The following ZC3H6 variants were observed in gnomAD, a reference collection of about 807,000 sequenced individuals.
ZC3H6 encodes the protein zinc finger CCCH domain-containing protein 6.
In ZC3H6, 40 loss-of-function variants were observed where a neutral mutation model predicts 107.7. The observed-to-expected ratio is 0.37, with a 90% CI of 0.29 to 0.48. The LOEUF is 0.48. Ranked by LOEUF, ZC3H6 falls within the 20% of genes least tolerant of loss-of-function variation. ZC3H6 has a pLI of 0.98. For synonymous variants in ZC3H6, 493 were observed against 487.9 expected (o/e 1.01, Z -0.14); for missense variants, 1,267 against 1,410.4 (o/e 0.90, Z 1.63).
rs1267594568 is a variant in ZC3H6 at position 112,325,175 on chromosome 2, T to C, written c.2064T>C (p.His688=). The C allele has an allele frequency of 4.3e-6, 7 of 1,613,820 alleles. No homozygotes were observed. Among genetic ancestry groups the C allele is most frequent in the Non-Finnish European group, 5.9e-6 (7 of 1,179,866 alleles). Residue 688 remains histidine, a synonymous_variant, in exon 11 of 12, where the codon CAT becomes CAC. Transcript: ENST00000409871. ...EDEEQTSTQP[H]RAPSKEEDDT... ...AAGAACAAACCAGCACCCAACCTCA[T>C]AGGGCACCAAGCAAGGAAGAAGGTG... is the stretch of plus-strand genomic sequence containing the variant.
At chr2:112,306,835 A>G (rs1676485697) in intron 3 of ZC3H6, among the ~76,000 whole-genome samples, 1 of 152,148 alleles carries the variant, frequency 6.6e-6, no homozygotes, top group African/African-American at 2.4e-5. Context: ...TTTTGTTTCC[A>G]TAGACAACAG....
At chr2:112,322,052 G>A (rs1676810489) in intron 8 of ZC3H6, among the ~76,000 whole-genome samples, 187 bp downstream of exon 8, 1 of 151,772 alleles carries the variant, frequency 6.6e-6, no homozygotes, top group African/African-American at 2.4e-5. Context: ...TGAGGAGTTA[G>A]CTATCTCCAA....
chr2:112,316,972 T>C (rs1320110677), intron 6 of ZC3H6, among the ~76,000 whole-genome samples: 1 of 152,208 alleles, frequency 6.6e-6, no homozygotes, highest in Non-Finnish European at 1.5e-5. Context: ...TGAGTGCTGG[T>C]TGCCAATTCA....
rs749409274 is a variant in ZC3H6, at chr2:112,324,954, A to G, written c.1853-10A>G. On this transcript the variant is annotated splice_polypyrimidine_tract_variant and intron_variant, in intron 10 of 11. Coordinates refer to ENST00000409871, the MANE Select transcript of ZC3H6 (RefSeq NM_198581.3). Reference sequence around the variant, plus strand: ...CTCAATGACTGTCTCTCCCCATGTTATACATGTAGATGGGATGTGGCATGG... The same window carrying G: ...CTCAATGACTGTCTCTCCCCATGTTGTACATGTAGATGGGATGTGGCATGG... 3.2e-6 allele frequency: 5 copies of G among 1,585,174 alleles called. No individual in the cohort carries two copies. Among genetic ancestry groups the G allele is most frequent in the South Asian group, 1.1e-5 (1 of 87,192 alleles).
chr2:112,332,276 A>G lies in ZC3H6; in HGVS notation c.3358A>G (p.Ser1120Gly), dbSNP rs1339614971. 1 of 1,613,808 alleles carries G rather than the reference A, an allele frequency of 6.2e-7. No individual in the cohort carries two copies. The change falls in exon 12 of 12, where the codon AGT (serine) becomes GGT (glycine). Residue 1120 changes from serine (S) to glycine (G), a missense_variant. Physicochemically the swap from Ser to Gly is moderately conservative, Grantham distance 56 (BLOSUM62 0). Coordinates refer to ENST00000409871, the MANE Select transcript of ZC3H6 (RefSeq NM_198581.3). The part of the protein sequence containing the change: ...PADPQADVPR[S>G]SGKVQVPAVH... ...TGACCCACAGGCGGACGTTCCCAGG[A>G]GTTCTGGTAAGGTTCAGGTCCCAGC...
rs1192594780 is a variant in ZC3H6 at position 112,324,466 on chromosome 2, A to C, written c.1655A>C (p.His552Pro). 1 of 1,613,542 alleles carries C rather than the reference A, an allele frequency of 6.2e-7. No individual in the cohort carries two copies. Among genetic ancestry groups the C allele is most frequent in the Admixed American group, 1.7e-5 (1 of 59,954 alleles). The change falls in exon 10 of 12, where the codon CAC (histidine) becomes CCC (proline). Residue 552 changes from histidine to proline, a missense_variant. Physicochemically the swap from His to Pro is moderately conservative, Grantham distance 77. Around this residue, in one of 3 missense-constraint regions of ZC3H6, gnomAD observed 925 missense variants for 1,025.7 expected, o/e 0.90. Coordinates refer to ENST00000409871, the MANE Select transcript of ZC3H6 (RefSeq NM_198581.3). The stretch of plus-strand genomic sequence containing the variant: ...CCACCAAGTATGGGTGGGGCTTACC[A>C]CTCCCCAGGCTTTCCAGGACATGTG... ...LTPPSMGGAY[H>P]SPGFPGHVMK...
chr2:112,332,123 GA>G lies in ZC3H6; in HGVS notation c.3209del (p.Asn1070ThrfsTer11). ...TSELATASSGENSKNQKKSGG... is the reference protein window; with the variant it reads ...TSELATASSGXNSKNQKKSGG... ...AGAGCTAGCAACAGCTTCTTCAGGA[GA>G]AAACTCAAAGAACCAGAAAAAAAGT... On this transcript the variant is annotated frameshift_variant, in exon 12 of 12. Coordinates refer to ENST00000409871, the MANE Select transcript of ZC3H6 (RefSeq NM_198581.3). LOFTEE classifies it high-confidence loss of function. 1 of 1,613,930 alleles carries G rather than the reference GA, an allele frequency of 6.2e-7. No homozygotes were observed. The highest frequency in any genetic ancestry group is 2.2e-5 in the East Asian group (1 of 44,882).
Position 112,331,444 on chromosome 2 carries a change from T to C in ZC3H6, c.2526T>C (p.Asp842=), listed in dbSNP as rs1482253136. The C allele has an allele frequency of 1.2e-6, 2 of 1,613,976 alleles. No individual in the cohort carries two copies. The highest frequency in any genetic ancestry group is 2.2e-5 in the East Asian group (1 of 44,884). Residue 842 remains aspartate (D), a synonymous_variant, in exon 12 of 12, where the codon GAT becomes GAC. Transcript: ENST00000409871. ...LREKAFLIPL[D]ASPGIMLQDP... is the part of the protein sequence containing the mutation. ...AAAAAGCTTTCTTAATACCTTTGGA[T>C]GCCTCACCTGGCATAATGCTCCAGG...
intron 5 of ZC3H6, among the ~76,000 whole-genome samples, chr2:112,314,721 G>A (rs1167705717): frequency 6.6e-6 from 1 of 151,980 alleles, no homozygotes; most frequent in African/African-American, 2.4e-5. Context: ...TATGTGAGCT[G>A]GTCATTTATA....
chr2:112,306,574 T>C (rs1676481687), intron 3 of ZC3H6, among the ~76,000 whole-genome samples: 1 of 152,218 alleles, frequency 6.6e-6, no homozygotes, highest in African/African-American at 2.4e-5. Flanking sequence ...TTCTATTCTG[T>C]GCTGAGCATT....
At chr2:112,309,820 T>C in intron 3 of ZC3H6, 65 bp from the exon 4 acceptor site, 1 of 1,467,584 alleles carries the variant, frequency 6.8e-7, no homozygotes, top group Non-Finnish European at 9.1e-7. Context: ...AAGGATGTCC[T>C]GTGCTACTGT....
intron 1 of ZC3H6, among the ~76,000 whole-genome samples, chr2:112,294,344 A>G (rs773011039): frequency 6.6e-6 from 1 of 152,224 alleles, no homozygotes; most frequent in Non-Finnish European, 1.5e-5. Flanking sequence ...AATCATTTCA[A>G]ACATCTAGGA....
intron 1 of ZC3H6, among the ~76,000 whole-genome samples, chr2:112,293,817 ATTAC>A (rs1167345303): frequency 6.6e-6 from 1 of 152,252 alleles, no homozygotes; most frequent in Non-Finnish European, 1.5e-5. Context: ...CAGTTTATTA[ATTAC>A]TTAGAGAAAT....
intron 3 of ZC3H6, among the ~76,000 whole-genome samples, chr2:112,305,526 GTT>G: frequency 6.6e-6 from 1 of 152,200 alleles, no homozygotes; most frequent in Admixed American, 6.5e-5. Context: ...TAGACATACT[GTT>G]TTATTTTTGC....
At chr2:112,311,490 T>C (rs191471429) in intron 4 of ZC3H6, among the ~76,000 whole-genome samples, 105 of 152,268 alleles carry the variant, frequency 6.9e-4, no homozygotes, top group African/African-American at 2.4e-3. Context: ...AGGAATATAA[T>C]ATTTGATTCT....
chr2:112,321,731 T>C, intron 7 of ZC3H6, 25 bp from the exon 8 acceptor site: 1 of 1,360,864 alleles, frequency 7.3e-7, no homozygotes, highest in Non-Finnish European at 9.9e-7. Context: ...TTTTACTTGG[T>C]CTTTTCCTTA....
Position 112,322,841 on chromosome 2 carries a change from C to T in ZC3H6, c.1279C>T (p.Pro427Ser), listed in dbSNP as rs1399404469. ...TDFSDDFRKI[P>S]SLFEIVVKPT... is the part of the protein sequence containing the mutation. ...TTTCTCTGATGATTTTAGGAAAATT[C>T]CATCTCTTTTTGAAATAGTTGTAAA... The change falls in exon 9 of 12, where the codon CCA (proline) becomes TCA (serine). Residue 427 changes from proline to serine, a missense_variant. Coordinates refer to ENST00000409871, the MANE Select transcript of ZC3H6 (RefSeq NM_198581.3). The T allele has an allele frequency of 1.2e-6, 2 of 1,613,172 alleles. No homozygotes were observed. The highest frequency in any genetic ancestry group is 1.7e-6 in the Non-Finnish European group (2 of 1,179,740).
chr2:112,319,061 T>C lies in ZC3H6; in HGVS notation c.976+1729T>C, dbSNP rs1676752737. On this transcript the variant is annotated intron_variant, in intron 7 of 11. Coordinates refer to ENST00000409871, the MANE Select transcript of ZC3H6 (RefSeq NM_198581.3). Reference sequence around the variant, plus strand: ...AGATGTATTAACTAGATACAATTTGTGGATCATCTTTATGTCCTGATCTGA... The same window carrying C: ...AGATGTATTAACTAGATACAATTTGCGGATCATCTTTATGTCCTGATCTGA... Among the ~76,000 whole-genome samples the C allele has an allele frequency of 2.6e-5, 4 of 152,220 alleles. No homozygotes were observed. In the South Asian group the frequency reaches 8.3e-4, roughly 31 times the overall value.
At chr2:112,320,867 G>A (rs546939607) in intron 7 of ZC3H6, among the ~76,000 whole-genome samples, 1 of 152,170 alleles carries the variant, frequency 6.6e-6, no homozygotes, top group African/African-American at 2.4e-5. Flanking sequence ...TTTAATGATA[G>A]TGCCTTTTTG....
Sources: allele counts gnomAD v4.1 joint callset (sites outside exome capture counted in the v4.1 genomes callset), GRCh38; gene constraint gnomAD v4.1.1; regional missense constraint gnomAD v4.1.1; transcripts MANE v1.5; gene names NCBI Gene and HGNC (gene_info 2026-07-23, HGNC 2026-07-21).